The following ZNF469 variants were observed in gnomAD, a reference collection of about 807,000 sequenced individuals.
ZNF469 encodes the protein zinc finger protein 469.
A neutral mutation model predicts 1.0 loss-of-function variants in ZNF469; 1 was observed. The observed-to-expected ratio is 1.00, with a 90% CI of 0.35 to 4.73. The LOEUF (loss-of-function observed/expected upper bound fraction) is 4.73. ZNF469 is among the 30% of genes most tolerant of loss of function. The pLI is 0.16. For missense variants in ZNF469, 6,100 were observed against 5,356.3 expected (o/e 1.14, Z -4.33); for synonymous variants, 2,703 against 2,363.4 (o/e 1.14, Z -4.17).
chr16:88,305,191 A>G, the ZNF469 span, among the ~76,000 whole-genome samples: 1 of 152,156 alleles, frequency 6.6e-6, no homozygotes, highest in African/African-American at 2.4e-5. Flanking sequence ...GGATGTCTGC[A>G]TGTGCAGGAA....
chr16:88,275,595 G>A, the ZNF469 span, among the ~76,000 whole-genome samples: 4 of 152,302 alleles, frequency 2.6e-5, no homozygotes, highest in African/African-American at 7.2e-5. Flanking sequence ...AGAGGGAGGC[G>A]CGGCTTTCTC....
the ZNF469 span, among the ~76,000 whole-genome samples, chr16:88,180,262 G>A: frequency 6.6e-6 from 1 of 151,938 alleles, no homozygotes; most frequent in African/African-American, 2.4e-5. Context: ...CAGATTTTTA[G>A]GTTGGGTAGA....
At chr16:88,104,635 C>A in the ZNF469 span, among the ~76,000 whole-genome samples, 1 of 152,370 alleles carries the variant, frequency 6.6e-6, no homozygotes, top group East Asian at 1.9e-4. Context: ...GGGGGCCTGT[C>A]CATGCAGCCT....
the ZNF469 span, among the ~76,000 whole-genome samples, chr16:88,184,095 C>T: frequency 2.5e-3 from 375 of 152,098 alleles, 1 homozygote; most frequent in Middle Eastern, 0.024. Context: ...TGCCCCTCCC[C>T]TGCCCGGGCT....
chr16:88,224,833 C>T, the ZNF469 span, among the ~76,000 whole-genome samples: 3 of 152,232 alleles, frequency 2.0e-5, no homozygotes, highest in Non-Finnish European at 4.4e-5. Context: ...CTTTTGATTC[C>T]TTATCTGTGA....
chr16:88,132,645 G>A, the ZNF469 span, among the ~76,000 whole-genome samples: 5 of 152,192 alleles, frequency 3.3e-5, no homozygotes, highest in African/African-American at 9.7e-5. Flanking sequence ...CTGTGCTCTC[G>A]GTGGTGACAA....
At chr16:88,149,546 G>T in the ZNF469 span, among the ~76,000 whole-genome samples, 120 of 152,170 alleles carry the variant, frequency 7.9e-4, no homozygotes, top group Non-Finnish European at 2.6e-4. Flanking sequence ...CTGTGGCTTG[G>T]GGAGTGGAGT....
chr16:88,148,657 C>T, the ZNF469 span, among the ~76,000 whole-genome samples: 1 of 152,152 alleles, frequency 6.6e-6, no homozygotes, highest in African/African-American at 2.4e-5. Context: ...TCAGTGGATC[C>T]GGGCCTTGGA....
rs953547681 is a variant in ZNF469, at chr16:88,429,209, C to A, written c.1739C>A (p.Pro580Gln). ...VSPHGTPSLP[P>Q]PRVVGASPSE... The stretch of plus-strand genomic sequence containing the variant: ...CCCCACGGGACACCCAGCCTGCCCC[C>A]ACCGAGGGTAGTGGGAGCCTCCCCC... The change falls in exon 3 of 3, where the codon CCA becomes CAA. Residue 580 changes from proline to glutamine, a missense_variant. Transcript: ENST00000565624. The A allele has an allele frequency of 1.3e-6, 2 of 1,549,904 alleles. No homozygotes were observed. Among genetic ancestry groups the A allele is most frequent in the African/African-American group, 2.7e-5 (2 of 73,150 alleles).
chr16:88,297,271 G>T, the ZNF469 span, among the ~76,000 whole-genome samples: 4,754 of 152,296 alleles, frequency 0.031, 239 homozygotes, highest in African/African-American at 0.11. Flanking sequence ...CTAATGGCGG[G>T]GGGCTGGCTT....
chr16:88,414,407 T>C (rs890637427), intron 1 of ZNF469, among the ~76,000 whole-genome samples: 10 of 152,184 alleles, frequency 6.6e-5, no homozygotes, highest in African/African-American at 2.4e-4. Flanking sequence ...ACAGTCTCGT[T>C]ACCTCCACCC....
intron 1 of ZNF469, among the ~76,000 whole-genome samples, chr16:88,395,059 C>G (rs932074058): frequency 6.6e-6 from 1 of 152,218 alleles, no homozygotes; most frequent in African/African-American, 2.4e-5. Flanking sequence ...ACGTGCCCCC[C>G]GCCGCAAGGA....
the ZNF469 span, among the ~76,000 whole-genome samples, chr16:88,152,053 G>C: frequency 6.6e-6 from 1 of 152,254 alleles, no homozygotes; most frequent in African/African-American, 2.4e-5. This position sits in a 1 kb window ranked among gnomAD's most constrained non-coding sequence, Gnocchi z 4.2. Flanking sequence ...CTTGGGGGCA[G>C]GGTGTGGGGA....
At chr16:88,292,149 G>C in the ZNF469 span, among the ~76,000 whole-genome samples, 1 of 152,198 alleles carries the variant, frequency 6.6e-6, no homozygotes, top group Non-Finnish European at 1.5e-5. Flanking sequence ...ACTTCCAGAG[G>C]CAGAGGGGGA....
In ZNF469 at chr16:88,433,278, C is replaced by T. The variant is rs949615807; in HGVS notation, c.5808C>T (p.Asn1936=). 8 of 1,550,240 alleles carry T rather than the reference C, an allele frequency of 5.2e-6. No individual in the cohort carries two copies. Among genetic ancestry groups the T allele is most frequent in the Non-Finnish European group, 6.1e-6 (7 of 1,146,976 alleles). ...CTGCCCAGAGCCCTCCACGAGTGAA[C>T]CCCTCAGGTCTGGAAGGGGGCACTG... is the stretch of plus-strand genomic sequence containing the variant. The part of the protein sequence containing the change: ...TPAAQSPPRV[N]PSGLEGGTVE... Residue 1936 remains asparagine, a synonymous_variant, in exon 3 of 3, where the codon AAC becomes AAT. Coordinates refer to ENST00000565624, the MANE Select transcript of ZNF469 (RefSeq NM_001367624.2).
At chr16:88,392,365 A>G (rs765181517) in intron 1 of ZNF469, among the ~76,000 whole-genome samples, 6 of 152,246 alleles carry the variant, frequency 3.9e-5, no homozygotes, top group Non-Finnish European at 7.3e-5. Context: ...CCAAACGCCT[A>G]GCGTAGGTGC....
chr16:88,350,626 C>G, the ZNF469 span, among the ~76,000 whole-genome samples: 14 of 152,360 alleles, frequency 9.2e-5, no homozygotes, highest in East Asian at 2.3e-3. Flanking sequence ...CGGAACCTCA[C>G]GTGGTGAAAG....
the ZNF469 span, among the ~76,000 whole-genome samples, chr16:88,128,154 C>T: frequency 2.6e-5 from 4 of 152,012 alleles, no homozygotes; most frequent in Admixed American, 6.6e-5. Flanking sequence ...GATGGCGAGA[C>T]GGCACCAGCA....
the ZNF469 span, among the ~76,000 whole-genome samples, chr16:88,144,440 G>A: frequency 2.6e-5 from 4 of 152,232 alleles, no homozygotes; most frequent in South Asian, 6.2e-4. Flanking sequence ...AGCTGCCTCT[G>A]CCCTGGTGGA....
Sources: allele counts gnomAD v4.1 joint callset (sites outside exome capture counted in the v4.1 genomes callset), GRCh38; gene constraint gnomAD v4.1.1; non-coding constraint Gnocchi (gnomAD v3.1); transcripts MANE v1.5; gene names NCBI Gene and HGNC (gene_info 2026-07-23, HGNC 2026-07-21).